Variants in SON observed in about 807,000 individuals in gnomAD.
The protein encoded by SON is protein SON.
A neutral mutation model predicts 173.3 loss-of-function variants in SON; 4 were observed. The ratio of observed to expected loss-of-function variants is 0.02; its 90% CI spans 0.01 to 0.05. SON has a LOEUF of 0.05. SON is among the 10% of genes least tolerant of loss of function. SON has a pLI of 1.00. For missense variants in SON, 2,626 were observed against 3,055.3 expected, an observed-to-expected ratio of 0.86 and a Z score of 3.31; for synonymous variants, 1,190 against 1,105.9, an observed-to-expected ratio of 1.08 and a Z score of -1.51.
At position 33,559,839 on chromosome 21, in the gene SON, T is replaced by C. The variant is rs375551911; in HGVS notation, c.6657+64T>C. 108 of 1,604,206 alleles carry C rather than the reference T, an allele frequency of 6.7e-5. No homozygotes were observed. The highest frequency in any genetic ancestry group is 8.6e-5 in the Non-Finnish European group (101 of 1,173,688). ...ACCTGAATCTGCCATTTCATTGTTATGTTATGTCTGATTTGGATTCTGTTT... is the reference window on the plus strand; with the variant it reads ...ACCTGAATCTGCCATTTCATTGTTACGTTATGTCTGATTTGGATTCTGTTT... On this transcript the variant is annotated intron_variant, in intron 6 of 11. Transcript: ENST00000356577. This position sits in a 1 kb window ranked among gnomAD's most constrained non-coding sequence, Gnocchi z 4.1.
At chr21:33,560,674 G>T in intron 6 of SON, 1 of 928,302 alleles carries the variant, frequency 1.1e-6, no homozygotes, top group Non-Finnish European at 1.3e-6. Context: ...TTAACTTGTT[G>T]TGCAAAATCA....
chr21:33,552,255 C>G lies in SON; in HGVS notation c.3024C>G (p.Ser1008=), dbSNP rs1375829675. The stretch of plus-strand genomic sequence containing the variant: ...TGATGTCCTATGCTGCAGAACGTTC[C>G]ATGATGTCATCTTACGAACGCTCTA... ...SMMMSYAAER[S]MMSSYERSMM... Residue 1008 remains serine (S), a synonymous_variant, in exon 3 of 12, where the codon TCC becomes TCG. Coordinates refer to ENST00000356577, the MANE Select transcript of SON (RefSeq NM_138927.4). The surrounding 1 kb of genome is among the most constrained non-coding windows in gnomAD (Gnocchi z 5.6). 6.2e-7 allele frequency: 1 copy of G among 1,614,144 alleles called. No homozygotes were observed. The highest frequency in any genetic ancestry group is 1.1e-5 in the South Asian group (1 of 91,086).
chr21:33,553,614 A>T lies in SON; in HGVS notation c.4383A>T (p.Ile1461=). 1 of 1,613,862 alleles carries T rather than the reference A, an allele frequency of 6.2e-7. No individual in the cohort carries two copies. Among genetic ancestry groups the T allele is most frequent in the South Asian group, 1.1e-5 (1 of 91,066 alleles). The change falls in exon 3 of 12, where the codon ATA becomes ATT. Residue 1461 remains isoleucine, a synonymous_variant. Coordinates refer to ENST00000356577, the MANE Select transcript of SON (RefSeq NM_138927.4). ...AVTVSEQTQV[I]PTEVAIESTP... ...CAGTCTCAGAGCAGACTCAAGTAAT[A>T]CCAACTGAGGTGGCTATAGAGTCCA...
At chr21:33,547,243 A>T (rs909429943) in intron 2 of SON, among the ~76,000 whole-genome samples, 1 of 152,116 alleles carries the variant, frequency 6.6e-6, no homozygotes, top group African/African-American at 2.4e-5. Flanking sequence ...TGGCCTCCCA[A>T]AGTGCTGGGA....
intron 11 of SON, 105 bp downstream of exon 11, chr21:33,575,998 G>A (rs112484713): frequency 1.6e-6 from 1 of 607,940 alleles, no homozygotes. Context: ...CATGGGTGGG[G>A]GGTTTGTATT....
chr21:33,550,789 A>G lies in SON; in HGVS notation c.1558A>G (p.Thr520Ala), dbSNP rs1487385301. The G allele has an allele frequency of 6.2e-7, 1 of 1,614,044 alleles. No individual in the cohort carries two copies. The highest frequency in any genetic ancestry group is 1.3e-5 in the African/African-American group (1 of 74,916). The change falls in exon 3 of 12, where the codon ACA becomes GCA. Residue 520 changes from threonine to alanine, a missense_variant. Thr to Ala is a moderately conservative substitution (Grantham distance 58). This residue lies in a region of SON where 757 missense variants were observed against 730.1 expected (regional missense o/e 1.04). Transcript: ENST00000356577. ...AGAGTTGGAGCAGCCTGTGGGGATG[A>G]CAACGGTGGAACATCCTGGGCATCC... is the stretch of plus-strand genomic sequence containing the variant. ...TTELEQPVGMTTVEHPGHPEV... is the reference protein window; with the variant it reads ...TTELEQPVGMATVEHPGHPEV...
chr21:33,550,323 G>A lies in SON; in HGVS notation c.1092G>A (p.Leu364=). ...SMTRPQELPE[L]PKTTALELQE... is the part of the protein sequence containing the mutation. ...CAAGACCGCAGGAGTTGCCGGAGCT[G>A]CCTAAGACCACAGCGTTGGAGCTGC... The change falls in exon 3 of 12, where the codon CTG becomes CTA. Residue 364 remains leucine, a synonymous_variant. Coordinates refer to ENST00000356577, the MANE Select transcript of SON (RefSeq NM_138927.4). The A allele has an allele frequency of 6.2e-7, 1 of 1,614,126 alleles. No homozygotes were observed. The highest frequency in any genetic ancestry group is 8.5e-7 in the Non-Finnish European group (1 of 1,180,030).
At position 33,553,442 on chromosome 21, in the gene SON, C is replaced by G. The variant is rs779205919; in HGVS notation, c.4211C>G (p.Thr1404Ser). Residue 1404 changes from threonine to serine, a missense_variant, in exon 3 of 12, where the codon ACC (threonine) becomes AGC (serine). Transcript: ENST00000356577. ...PPVVAEPDYV[T>S]IPVPVVSALE... is the part of the protein sequence containing the mutation. ...GTTGTGGCTGAGCCAGACTATGTTA[C>G]CATTCCTGTGCCAGTTGTTTCTGCG... is the stretch of plus-strand genomic sequence containing the variant. 17 of 1,614,078 alleles carry G rather than the reference C, an allele frequency of 1.1e-5. No homozygotes were observed. The highest frequency in any genetic ancestry group is 1.4e-5 in the Non-Finnish European group (17 of 1,180,032).
At chr21:33,565,966 A>G (rs1163244932) in intron 6 of SON, among the ~76,000 whole-genome samples, 1 of 152,166 alleles carries the variant, frequency 6.6e-6, no homozygotes, top group East Asian at 1.9e-4. Context: ...TGCATGAGTT[A>G]TAATTATTCT....
chr21:33,571,050 G>C (rs2086273771), intron 8 of SON, among the ~76,000 whole-genome samples: 1 of 151,942 alleles, frequency 6.6e-6, no homozygotes, highest in Non-Finnish European at 1.5e-5. Flanking sequence ...TTGAAAAAAG[G>C]CTTCAACTTT....
In SON at chr21:33,550,764, A is replaced by G; in HGVS notation, c.1533A>G (p.Thr511=). Reference sequence around the variant, plus strand: ...TGACCGAACAACCTGTGACGACGACAGAGTTGGAGCAGCCTGTGGGGATGA... The same window carrying G: ...TGACCGAACAACCTGTGACGACGACGGAGTTGGAGCAGCCTGTGGGGATGA... ...MELTEQPVTT[T]ELEQPVGMTT... Residue 511 remains threonine (T), a synonymous_variant, in exon 3 of 12, where the codon ACA becomes ACG. Coordinates refer to ENST00000356577, the MANE Select transcript of SON (RefSeq NM_138927.4). The G allele has an allele frequency of 6.2e-7, 1 of 1,614,212 alleles. No homozygotes were observed. Among genetic ancestry groups the G allele is most frequent in the Admixed American group, 1.7e-5 (1 of 60,026 alleles).
intron 7 of SON, among the ~76,000 whole-genome samples, chr21:33,567,872 C>T (rs535315238): frequency 2.0e-5 from 3 of 152,098 alleles, no homozygotes; most frequent in Non-Finnish European, 2.9e-5. Flanking sequence ...AGGATCGCGC[C>T]ACTGTACTCC....
At chr21:33,548,925 A>C (rs183171515) in intron 2 of SON, among the ~76,000 whole-genome samples, 1 of 152,326 alleles carries the variant, frequency 6.6e-6, no homozygotes, top group Non-Finnish European at 1.5e-5. Context: ...TCTTAATGTA[A>C]TTCAAAGTAA....
intron 4 of SON, chr21:33,558,959 CTTTTT>C (rs71194851): frequency 2.4e-3 from 291 of 118,812 alleles, no homozygotes; most frequent in African/African-American, 4.5e-3. Context: ...ATGTCTTCTA[CTTTTT>C]TTTTTTTTTT....
At chr21:33,572,883 A>T in intron 8 of SON, 1 of 250,896 alleles carries the variant, frequency 4.0e-6, no homozygotes, top group South Asian at 4.0e-5. Flanking sequence ...CAGTGTCTAA[A>T]CTATTTCTAA....
chr21:33,561,326 ATCT>A (rs200280626), intron 6 of SON, among the ~76,000 whole-genome samples: 2,081 of 152,330 alleles, frequency 0.014, 54 homozygotes, highest in African/African-American at 0.047. Flanking sequence ...AGCTGACTTA[ATCT>A]TCTTGTAGTA....
In SON at chr21:33,550,758, G is replaced by A. The variant is rs1569052738; in HGVS notation, c.1527G>A (p.Thr509=). The A allele has an allele frequency of 5.0e-6, 8 of 1,614,078 alleles. No individual in the cohort carries two copies. The highest frequency in any genetic ancestry group is 2.2e-5 in the East Asian group (1 of 44,898). The change falls in exon 3 of 12, where the codon ACG becomes ACA. Residue 509 remains threonine, a synonymous_variant. Coordinates refer to ENST00000356577, the MANE Select transcript of SON (RefSeq NM_138927.4). The stretch of plus-strand genomic sequence containing the variant: ...TGGAGTTGACCGAACAACCTGTGAC[G>A]ACGACAGAGTTGGAGCAGCCTGTGG... ...VAMELTEQPV[T]TTELEQPVGM... is the part of the protein sequence containing the mutation.
rs560363920 is a variant in SON, at chr21:33,554,208, G to A, written c.4977G>A (p.Leu1659=). 3.1e-6 allele frequency: 5 copies of A among 1,614,118 alleles called. No individual in the cohort carries two copies. Among genetic ancestry groups the A allele is most frequent in the Non-Finnish European group, 4.2e-6 (5 of 1,179,998 alleles). The change falls in exon 3 of 12, where the codon TTG becomes TTA. Residue 1659 remains leucine (L), a synonymous_variant. Coordinates refer to ENST00000356577, the MANE Select transcript of SON (RefSeq NM_138927.4). The stretch of plus-strand genomic sequence containing the variant: ...GTGAAGCTGACATTGAAGGGCCTTT[G>A]CCTGCTAAAGATATTCATCTTGATT... The part of the protein sequence containing the change: ...GGSEADIEGP[L]PAKDIHLDLP...
chr21:33,554,856 A>G lies in SON; in HGVS notation c.5625A>G (p.Arg1875=). 1 of 1,614,062 alleles carries G rather than the reference A, an allele frequency of 6.2e-7. No individual in the cohort carries two copies. The highest frequency in any genetic ancestry group is 1.1e-5 in the South Asian group (1 of 91,086). The part of the protein sequence containing the change: ...SRSRRRRRSS[R]SRSKSRGRRS... Reference sequence around the variant, plus strand: ...CAAGACGCAGGAGGAGAAGCAGCAGATCAAGATCAAAGTCTAGAGGAAGAA... The same window carrying G: ...CAAGACGCAGGAGGAGAAGCAGCAGGTCAAGATCAAAGTCTAGAGGAAGAA... Residue 1875 remains arginine, a synonymous_variant, in exon 3 of 12, where the codon AGA becomes AGG. Coordinates refer to ENST00000356577, the MANE Select transcript of SON (RefSeq NM_138927.4).
Sources: gnomAD v4.1 joint callset for allele counts (sites outside exome capture counted in the v4.1 genomes callset) on GRCh38, gnomAD v4.1.1 for gene constraint, gnomAD v4.1.1 regional missense constraint, Gnocchi (gnomAD v3.1) non-coding constraint, MANE v1.5 for transcripts, NCBI Gene and HGNC (gene_info 2026-07-23, HGNC 2026-07-21) for gene names.